Variants in PRAME observed in about 807,000 individuals in gnomAD.
PRAME encodes the protein melanoma antigen preferentially expressed in tumors.
Under a neutral mutation model 32.1 loss-of-function variants are expected in PRAME, and 21 were observed. The ratio of observed to expected loss-of-function variants is 0.65; its 90% CI spans 0.46 to 0.94. The LOEUF is 0.94. Among genes scored for constraint, PRAME ranks in the 40% least tolerant of loss-of-function variants. The pLI, the probability that PRAME is intolerant of heterozygous loss-of-function variation, is 0.00. For synonymous variants in PRAME, 274 were observed against 251.5 expected (o/e 1.09, Z -0.85); for missense variants, 651 against 622.3 (o/e 1.05, Z -0.49).
chr22:22,552,672 G>A (rs1434976659), intron 3 of PRAME: 2 of 285,748 alleles, frequency 7.0e-6, no homozygotes, highest in Non-Finnish European at 1.4e-5. Context: ...TACATTTAGA[G>A]ACAAGAACAA....
At position 22,547,731 on chromosome 22, in the gene PRAME, A is replaced by C. The variant is rs1484417015; in HGVS notation, c.*336T>G. 4 of 291,820 alleles carry C rather than the reference A, an allele frequency of 1.4e-5. No individual in the cohort carries two copies. The Admixed American group carries it at 1.9e-4, about 14-fold the overall frequency. 18.1% of individuals were successfully genotyped at this position (291,820 alleles called of 1,614,324 possible). On this transcript the variant is annotated 3_prime_UTR_variant, in exon 6 of 6. Coordinates refer to ENST00000405655, the MANE Select transcript of PRAME (RefSeq NM_206956.3). ...CACATTGCTTCTCTTTATTTTCAAC[A>C]GTTTCTTTACAACAGTCTACACAGG...
At position 22,550,887 on chromosome 22, in the gene PRAME, G is replaced by C; in HGVS notation, c.224C>G (p.Ala75Gly). ...HSQTLKAMVQAWPFTCLPLGV... is the reference protein window; with the variant it reads ...HSQTLKAMVQGWPFTCLPLGV... ...CAGAGGGAGGCAGGTGAAGGGCCAG[G>C]CCTGCACCATTGCCTTCAGGGTCTG... The change falls in exon 4 of 6, where the codon GCC (alanine) becomes GGC (glycine). Residue 75 changes from alanine (A) to glycine (G), a missense_variant. Transcript: ENST00000405655. 6.2e-7 allele frequency: 1 copy of C among 1,613,806 alleles called. No individual in the cohort carries two copies. Among genetic ancestry groups the C allele is most frequent in the South Asian group, 1.1e-5 (1 of 91,076 alleles).
At position 22,550,907 on chromosome 22, in the gene PRAME, G is replaced by T. The variant is rs1209072731; in HGVS notation, c.204C>A (p.Thr68=). ...GCCAGGCCTGCACCATTGCCTTCAG[G>T]GTCTGGCTGTGTCTCCCGTCAAAGG... ...MAAFDGRHSQ[T]LKAMVQAWPF... The change falls in exon 4 of 6, where the codon ACC becomes ACA. Residue 68 remains threonine (T), a synonymous_variant. Transcript: ENST00000405655. 6.2e-7 allele frequency: 1 copy of T among 1,613,860 alleles called. No individual in the cohort carries two copies. The highest frequency in any genetic ancestry group is 8.5e-7 in the Non-Finnish European group (1 of 1,179,964).
intron 3 of PRAME, chr22:22,555,726 C>A (rs1601835060): frequency 2.5e-6 from 1 of 395,020 alleles, no homozygotes. Context: ...AGTTCCAGCA[C>A]AAGTCTCCCG....
At position 22,550,949 on chromosome 22, in the gene PRAME, C is replaced by T. The variant is rs199873817; in HGVS notation, c.162G>A (p.Pro54=). 3.3e-5 allele frequency: 54 copies of T among 1,613,640 alleles called. No homozygotes were observed. Among genetic ancestry groups the T allele is most frequent in the East Asian group, 8.9e-5 (4 of 44,772 alleles). Reference sequence around the variant, plus strand: ...CGTCAAAGGCTGCCATGAAGAGTGGCGGGAAGAGCTCCCTGGGCAGCAACT... The same window carrying T: ...CGTCAAAGGCTGCCATGAAGAGTGGTGGGAAGAGCTCCCTGGGCAGCAACT... The part of the protein sequence containing the change: ...ALELLPRELF[P]PLFMAAFDGR... The change falls in exon 4 of 6, where the codon CCG becomes CCA. Residue 54 remains proline, a synonymous_variant. Transcript: ENST00000405655.
Position 22,548,050 on chromosome 22 carries a change from T to G in PRAME, c.*17A>C. The G allele has an allele frequency of 6.3e-7, 1 of 1,593,360 alleles. No individual in the cohort carries two copies. The highest frequency in any genetic ancestry group is 8.6e-7 in the Non-Finnish European group (1 of 1,168,074). On this transcript the variant is annotated 3_prime_UTR_variant, in exon 6 of 6. Transcript: ENST00000405655. The stretch of plus-strand genomic sequence containing the variant: ...TGTCCAAGTATGCAGAATGAAGCAT[T>G]TGATATGTGCACCCAGCTAATTAGG...
chr22:22,550,801 G>A lies in PRAME; in HGVS notation c.310C>T (p.Leu104Phe), dbSNP rs1468360752. 6.2e-7 allele frequency: 1 copy of A among 1,604,430 alleles called. No homozygotes were observed. The change falls in exon 4 of 6, where the codon CTT becomes TTT. Residue 104 changes from leucine to phenylalanine, a missense_variant. By Grantham distance (22) the Leu-to-Phe change is conservative. Transcript: ENST00000405655. ...LETFKAVLDG[L>F]DVLLAQEVRP... ...ACCTCCTGGGCAAGGAGCACATCAA[G>A]TCCATCAAGCACAGCTTTGAAGGTC...
Position 22,548,465 on chromosome 22 carries a change from C to G in PRAME, c.1132G>C (p.Ala378Pro), listed in dbSNP as rs1216425210. The change falls in exon 6 of 6, where the codon GCC becomes CCC. Residue 378 changes from alanine to proline, a missense_variant. Ala to Pro is a conservative substitution (Grantham distance 27). Coordinates refer to ENST00000405655, the MANE Select transcript of PRAME (RefSeq NM_206956.3). The stretch of plus-strand genomic sequence containing the variant: ...TCAAAGACCAGGTCCTGGAGGGTGG[C>G]AGAGGCTCTCTCCAGCAGAGCTTGG... Reference protein sequence around the residue: ...PLQALLERASATLQDLVFDEC... With the variant: ...PLQALLERASPTLQDLVFDEC... The G allele has an allele frequency of 6.2e-7, 1 of 1,613,716 alleles. No individual in the cohort carries two copies. Among genetic ancestry groups the G allele is most frequent in the Non-Finnish European group, 8.5e-7 (1 of 1,179,950 alleles).
chr22:22,556,703 G>C, intron 3 of PRAME, 109 bp downstream of exon 3: 2 of 1,327,098 alleles, frequency 1.5e-6, no homozygotes. Context: ...CTGCCTCTTC[G>C]TCTACTGTGA....
At chr22:22,548,707 AGGCC>A in intron 5 of PRAME, 64 bp from the exon 6 acceptor site, 1 of 1,413,166 alleles carries the variant, frequency 7.1e-7, no homozygotes, top group Non-Finnish European at 9.6e-7. Flanking sequence ...GACTGGAGAG[AGGCC>A]CATTTCACCA....
At chr22:22,553,865 G>A in intron 3 of PRAME, 4 of 985,042 alleles carry the variant, frequency 4.1e-6, no homozygotes, top group Non-Finnish European at 4.8e-6. Context: ...TTCCACACTG[G>A]GGCTGTTCAC....
chr22:22,552,776 G>A (rs536125229), intron 3 of PRAME: 2 of 468,030 alleles, frequency 4.3e-6, no homozygotes, highest in South Asian at 3.1e-5. Context: ...AGTAGAAGGA[G>A]GCAGTGGCCA....
In PRAME at chr22:22,548,661, A is replaced by C. The variant is rs1161204096; in HGVS notation, c.954-18T>G. On this transcript the variant is annotated intron_variant, in intron 5 of 5. Coordinates refer to ENST00000405655, the MANE Select transcript of PRAME (RefSeq NM_206956.3). ...TCACGTGCCTGCAAATAGACAAAGC[A>C]GTTAGTGCTGGGGAATGGTGGTAGT... The C allele has an allele frequency of 6.5e-7, 1 of 1,548,164 alleles. No homozygotes were observed. Among genetic ancestry groups the C allele is most frequent in the South Asian group, 1.2e-5 (1 of 85,866 alleles).
At chr22:22,553,879 C>A in intron 3 of PRAME, 1 of 985,012 alleles carries the variant, frequency 1.0e-6, no homozygotes, top group Non-Finnish European at 1.2e-6. Context: ...TGTTCACAAG[C>A]AGCAGGTCAG....
chr22:22,553,524 T>C (rs747195116), intron 3 of PRAME, among the ~76,000 whole-genome samples: 7 of 151,816 alleles, frequency 4.6e-5, no homozygotes, highest in Non-Finnish European at 8.8e-5. Flanking sequence ...AGATGAAAGA[T>C]AGTTCCAGTA....
At chr22:22,550,745 C>G (rs755381255) in intron 4 of PRAME, 22 bp downstream of exon 4, 1 of 1,551,212 alleles carries the variant, frequency 6.4e-7, no homozygotes, top group Non-Finnish European at 8.7e-7. Flanking sequence ...GGCCCCACAC[C>G]AAGCTGCTAG....
chr22:22,549,611 G>A (rs2062447864), intron 5 of PRAME, 115 bp downstream of exon 5: 2 of 1,345,478 alleles, frequency 1.5e-6, no homozygotes, highest in Admixed American at 2.8e-5. Context: ...TTAACTGGTA[G>A]TGACTTGCTC....
chr22:22,552,004 C>T (rs1387035930), intron 3 of PRAME, among the ~76,000 whole-genome samples: 1 of 150,872 alleles, frequency 6.6e-6, no homozygotes, highest in Non-Finnish European at 1.5e-5. Context: ...CCTCCACCCT[C>T]CAGCACAGTG....
At position 22,550,872 on chromosome 22, in the gene PRAME, C is replaced by G. The variant is rs959516600; in HGVS notation, c.239G>C (p.Cys80Ser). The G allele has an allele frequency of 2.8e-5, 45 of 1,613,664 alleles. No homozygotes were observed. Among genetic ancestry groups the G allele is most frequent in the Non-Finnish European group, 3.3e-5 (39 of 1,179,906 alleles). ...CTTCATCAGCACTCCCAGAGGGAGG[C>G]AGGTGAAGGGCCAGGCCTGCACCAT... ...KAMVQAWPFT[C>S]LPLGVLMKGQ... The change falls in exon 4 of 6, where the codon TGC becomes TCC. Residue 80 changes from cysteine to serine, a missense_variant. Cys to Ser is a moderately radical substitution (Grantham distance 112, BLOSUM62 -1). Coordinates refer to ENST00000405655, the MANE Select transcript of PRAME (RefSeq NM_206956.3).
Sources: gnomAD v4.1 joint callset for allele counts (sites outside exome capture counted in the v4.1 genomes callset) on GRCh38, gnomAD v4.1.1 for gene constraint, MANE v1.5 for transcripts, NCBI Gene and HGNC (gene_info 2026-07-23, HGNC 2026-07-21) for gene names.